Variants in SMYD4 observed in about 807,000 individuals in gnomAD.
The protein encoded by SMYD4 is protein-lysine N-methyltransferase SMYD4.
SMYD4 carries 68 observed loss-of-function variants against 72.8 expected under a neutral mutation model. The ratio of observed to expected loss-of-function variants is 0.93; its 90% CI spans 0.77 to 1.14. The LOEUF is 1.14. Among genes scored for constraint, SMYD4 ranks in the 50% most tolerant of loss-of-function variants. The probability of loss-of-function intolerance (pLI) is 0.00; values close to 1 mark genes in which losing one functional copy is unlikely to be tolerated. For synonymous variants in SMYD4, 407 were observed against 388.6 expected, an observed-to-expected ratio of 1.05 and a Z score of -0.56; for missense variants, 984 against 1,003.7, an observed-to-expected ratio of 0.98 and a Z score of 0.27.
chr17:1,783,504 C>T lies in SMYD4; in HGVS notation c.2021-28G>A, dbSNP rs2151217623. The T allele has an allele frequency of 3.8e-6, 6 of 1,577,846 alleles. No individual in the cohort carries two copies. In the East Asian group the frequency reaches 7.0e-5, roughly 18 times the overall value. On this transcript the variant is annotated intron_variant, in intron 8 of 10. Transcript: ENST00000305513. ...GTCAATGCAGAGGAAAGACGTCTCA[C>T]TATAGACAGAAGCCCAGTCCTAGGA...
At chr17:1,787,651 C>T in intron 5 of SMYD4, 47 bp from the exon 6 acceptor site, 1 of 1,506,136 alleles carries the variant, frequency 6.6e-7, no homozygotes, top group South Asian at 1.3e-5. Flanking sequence ...GCACATGAGC[C>T]CTGGCCTTGC....
intron 3 of SMYD4, among the ~76,000 whole-genome samples, chr17:1,807,763 G>A (rs1228287300): frequency 1.3e-5 from 2 of 152,194 alleles, no homozygotes; most frequent in Non-Finnish European, 2.9e-5. Context: ...TGTTACTGAT[G>A]TAAAAACACG....
At chr17:1,793,056 C>G (rs1167178990) in intron 5 of SMYD4, among the ~76,000 whole-genome samples, 1 of 152,026 alleles carries the variant, frequency 6.6e-6, no homozygotes, top group Non-Finnish European at 1.5e-5. Flanking sequence ...TAGCTGAGAC[C>G]ACAAGCGCGC....
At chr17:1,807,159 G>A (rs560594840) in intron 3 of SMYD4, among the ~76,000 whole-genome samples, 1 of 152,104 alleles carries the variant, frequency 6.6e-6, no homozygotes, top group Non-Finnish European at 1.5e-5. Flanking sequence ...CAAAGTGCTG[G>A]GATTACAGGT....
intron 3 of SMYD4, among the ~76,000 whole-genome samples, chr17:1,811,764 T>C (rs987325071): frequency 6.6e-6 from 1 of 152,076 alleles, no homozygotes; most frequent in Admixed American, 6.6e-5. Flanking sequence ...CCATCTCTAC[T>C]AAAAATACAA....
At chr17:1,783,613 C>T in intron 8 of SMYD4, 137 bp from the exon 9 acceptor site, 1 of 1,410,120 alleles carries the variant, frequency 7.1e-7, no homozygotes, top group Non-Finnish European at 9.4e-7. Context: ...GTCACCAACG[C>T]ACAATGTCTG....
intron 3 of SMYD4, among the ~76,000 whole-genome samples, chr17:1,807,123 C>A (rs34962006): frequency 0.18 from 26,956 of 151,932 alleles, 2,476 homozygotes; most frequent in Middle Eastern, 0.2. Context: ...CTCCTGACCT[C>A]AGGTGATCCA....
chr17:1,816,350 T>C (rs144269025), intron 2 of SMYD4, among the ~76,000 whole-genome samples: 18,940 of 151,878 alleles, frequency 0.12, 1,409 homozygotes, highest in African/African-American at 0.2. Context: ...CCAGGCGCGG[T>C]GGCTCACGCC....
chr17:1,827,837 C>T (rs913415455), intron 2 of SMYD4, 24 bp downstream of exon 2: 2 of 1,581,406 alleles, frequency 1.3e-6, no homozygotes, highest in Admixed American at 3.4e-5. Flanking sequence ...TCACAATTCC[C>T]TTGTTAAAGC....
intron 4 of SMYD4, among the ~76,000 whole-genome samples, chr17:1,803,320 AT>A (rs1476306503): frequency 1.3e-5 from 2 of 152,204 alleles, no homozygotes; most frequent in African/African-American, 4.8e-5. Context: ...AGGCTGAGCT[AT>A]TACTACAGGG....
intron 8 of SMYD4, 73 bp downstream of exon 8, chr17:1,784,253 C>T: frequency 6.3e-7 from 1 of 1,598,976 alleles, no homozygotes; most frequent in Non-Finnish European, 8.5e-7. Flanking sequence ...ACTGAGTATC[C>T]CTGAGTCCAA....
intron 5 of SMYD4, among the ~76,000 whole-genome samples, chr17:1,792,200 G>A (rs924632851): frequency 6.6e-5 from 10 of 151,872 alleles, no homozygotes; most frequent in Admixed American, 4.6e-4. Flanking sequence ...CCGCAACCAC[G>A]CCCGGCTAAT....
In SMYD4 at chr17:1,785,505, C is replaced by A. The variant is rs900774664; in HGVS notation, c.1885-1044G>T. Reference sequence around the variant, plus strand: ...TGGTGGCTCACGCCTGTAATCCCAGCGCTTTGGGTGGTCGAGGCAGGTAGG... The same window carrying A: ...TGGTGGCTCACGCCTGTAATCCCAGAGCTTTGGGTGGTCGAGGCAGGTAGG... On this transcript the variant is annotated intron_variant, in intron 7 of 10. Coordinates refer to ENST00000305513, the MANE Select transcript of SMYD4 (RefSeq NM_052928.3). 2.6e-5 allele frequency among the ~76,000 whole-genome samples: 4 copies of A among 151,410 alleles called. No individual in the cohort carries two copies. In the East Asian group the frequency reaches 7.8e-4, roughly 29 times the overall value.
intron 3 of SMYD4, among the ~76,000 whole-genome samples, chr17:1,808,003 G>A (rs1257794910): frequency 1.3e-5 from 2 of 152,102 alleles, no homozygotes; most frequent in Non-Finnish European, 2.9e-5. Context: ...TACTGCTTGG[G>A]ATATGGAGAA....
intron 7 of SMYD4, among the ~76,000 whole-genome samples, chr17:1,786,031 T>C (rs2151219862): frequency 6.6e-6 from 1 of 152,312 alleles, no homozygotes; most frequent in South Asian, 2.1e-4. Context: ...TCACCCTCAG[T>C]CCCATGGCCC....
chr17:1,825,392 TA>T (rs1911111428), intron 2 of SMYD4, among the ~76,000 whole-genome samples: 1 of 151,662 alleles, frequency 6.6e-6, no homozygotes, highest in South Asian at 2.1e-4. Flanking sequence ...GAGCTAAAGG[TA>T]AAAAAATGTT....
intron 4 of SMYD4, chr17:1,804,418 C>T: frequency 2.3e-6 from 1 of 437,788 alleles, no homozygotes; most frequent in Non-Finnish European, 4.3e-6. Context: ...CTCAGGTGAT[C>T]CGCCCGCCTT....
At chr17:1,824,559 TC>T (rs1353873900) in intron 2 of SMYD4, among the ~76,000 whole-genome samples, 1 of 152,042 alleles carries the variant, frequency 6.6e-6, no homozygotes, top group Non-Finnish European at 1.5e-5. Context: ...GGGAGTGGTT[TC>T]CCCATGCTGT....
intron 5 of SMYD4, among the ~76,000 whole-genome samples, chr17:1,789,660 G>A (rs1344750301): frequency 1.3e-5 from 2 of 150,450 alleles, no homozygotes; most frequent in African/African-American, 4.9e-5. Flanking sequence ...TGCTACTCGG[G>A]AGGCTGAAGC....
Sources: gnomAD v4.1 joint callset for allele counts (sites outside exome capture counted in the v4.1 genomes callset) on GRCh38, gnomAD v4.1.1 for gene constraint, MANE v1.5 for transcripts, NCBI Gene and HGNC (gene_info 2026-07-23, HGNC 2026-07-21) for gene names.